The following STK32A variants were observed in gnomAD, a reference collection of about 807,000 sequenced individuals.
STK32A encodes the protein serine/threonine-protein kinase 32A.
Under a neutral mutation model 53.2 loss-of-function variants are expected in STK32A, and 41 were observed. The observed-to-expected ratio is 0.77, with a 90% CI of 0.60 to 1.00. STK32A has a LOEUF of 1.00. Among genes scored for constraint, STK32A ranks in the 50% least tolerant of loss-of-function variants. The probability of loss-of-function intolerance (pLI) is 0.00; values close to 1 mark genes in which losing one functional copy is unlikely to be tolerated. For synonymous variants in STK32A, 166 were observed against 162.8 expected (o/e 1.02, Z -0.15); for missense variants, 458 against 485.8 (o/e 0.94, Z 0.54).
intron 5 of STK32A, 54 bp from the exon 6 acceptor site, chr5:147,342,952 T>A: frequency 6.3e-7 from 1 of 1,586,290 alleles, no homozygotes. Context: ...CCCTACCCCT[T>A]AGTTCTGTTC....
At position 147,375,163 on chromosome 5, in the gene STK32A, A is replaced by G; in HGVS notation, c.977A>G (p.Lys326Arg). 6.2e-7 allele frequency: 1 copy of G among 1,610,660 alleles called. No individual in the cohort carries two copies. Among genetic ancestry groups the G allele is most frequent in the South Asian group, 1.1e-5 (1 of 90,214 alleles). The change falls in exon 11 of 13, where the codon AAA (lysine) becomes AGA (arginine). Residue 326 changes from lysine to arginine, a missense_variant. By Grantham distance (26) the Lys-to-Arg change is conservative. Coordinates refer to ENST00000397936, the MANE Select transcript of STK32A (RefSeq NM_001112724.2). ...MILESKPLHK[K>R]KKRLAKKEKD... is the part of the protein sequence containing the mutation. ...TTGGAGTCCAAACCTCTACATAAGA[A>G]AAAAAAGCGTCTGGCAAAGAAGGAG...
At chr5:147,242,804 T>C (rs576885764) in intron 2 of STK32A, among the ~76,000 whole-genome samples, 34 of 152,318 alleles carry the variant, frequency 2.2e-4, no homozygotes, top group African/African-American at 8.2e-4. Context: ...TTCTAGGGAA[T>C]TTACTTTGCT....
At chr5:147,347,545 C>T (rs955554686) in intron 6 of STK32A, among the ~76,000 whole-genome samples, 6 of 152,058 alleles carry the variant, frequency 3.9e-5, no homozygotes, top group African/African-American at 9.7e-5. Flanking sequence ...GGGTAGAGGC[C>T]GGGATGCTAG....
In STK32A at chr5:147,305,795, G is replaced by A. The variant is rs1581066728; in HGVS notation, c.261-18103G>A. ...TTTACCATTGATAGGCATTTGGATC[G>A]TTTGCAATTTGAGACTTTCGCAGAG... On this transcript the variant is annotated intron_variant, in intron 4 of 12. Transcript: ENST00000397936. Among the ~76,000 whole-genome samples, 4 of 151,662 alleles carry A rather than the reference G, an allele frequency of 2.6e-5. No homozygotes were observed. The South Asian group carries it at 8.3e-4, about 32-fold the overall frequency.
intron 4 of STK32A, among the ~76,000 whole-genome samples, chr5:147,295,795 A>G (rs1400268268): frequency 6.6e-6 from 1 of 152,184 alleles, no homozygotes; most frequent in Non-Finnish European, 1.5e-5. Flanking sequence ...TAGCTAGGCA[A>G]CCTTAAATTT....
intron 4 of STK32A, among the ~76,000 whole-genome samples, chr5:147,314,507 CAAAAAAAAACA>C (rs1753875550): frequency 3.1e-4 from 4 of 12,784 alleles, no homozygotes; most frequent in Admixed American, 1.1e-3. Flanking sequence ...TCAAAAAAAA[CAAAAAAAAACA>C]AAAAAAAACA....
chr5:147,329,650 C>T lies in STK32A; in HGVS notation c.434+5579C>T, dbSNP rs113787489. Among the ~76,000 whole-genome samples, 630 of 152,214 alleles carry T rather than the reference C, an allele frequency of 4.1e-3. 5 individuals carry two copies. Among genetic ancestry groups the T allele is most frequent in the Middle Eastern group, 0.014 (4 of 292 alleles). ...GCCTGCATGCACGTGCACGCACGCA[C>T]ACACACACACAATATGCTTAGTTGC... On this transcript the variant is annotated intron_variant, in intron 5 of 12. Transcript: ENST00000397936.
intron 2 of STK32A, among the ~76,000 whole-genome samples, chr5:147,267,150 C>T (rs537598040): frequency 6.6e-6 from 1 of 152,182 alleles, no homozygotes; most frequent in African/African-American, 2.4e-5. Flanking sequence ...CTATTCTCTG[C>T]CAAAAATGGT....
At chr5:147,297,001 G>A (rs1752898027) in intron 4 of STK32A, among the ~76,000 whole-genome samples, 1 of 152,182 alleles carries the variant, frequency 6.6e-6, no homozygotes, top group African/African-American at 2.4e-5. Context: ...TATTTTACCT[G>A]AGGGCCTATC....
chr5:147,298,640 C>T (rs1002680297), intron 4 of STK32A, among the ~76,000 whole-genome samples: 3 of 152,138 alleles, frequency 2.0e-5, no homozygotes, highest in Non-Finnish European at 4.4e-5. Flanking sequence ...TTAAAAACTA[C>T]GCTTGTTTTT....
At chr5:147,283,132 C>T (rs558888507) in intron 4 of STK32A, among the ~76,000 whole-genome samples, 33 of 152,118 alleles carry the variant, frequency 2.2e-4, no homozygotes, top group Admixed American at 1.6e-3. Flanking sequence ...GAAATGAACT[C>T]CAAAAGGAAA....
intron 4 of STK32A, among the ~76,000 whole-genome samples, chr5:147,314,507 C>CAAAAAAAACAAAAAAAA (rs1561713376): frequency 7.8e-5 from 1 of 12,768 alleles, no homozygotes; most frequent in African/African-American, 1.4e-4. Context: ...TCAAAAAAAA[C>CAAAAAAAACAAAAAAAA]AAAAAAAAAC....
At chr5:147,318,552 G>A (rs1034839474) in intron 4 of STK32A, among the ~76,000 whole-genome samples, 1 of 151,544 alleles carries the variant, frequency 6.6e-6, no homozygotes, top group African/African-American at 2.4e-5. Flanking sequence ...ATTACTTGAG[G>A]CCAGGAGTTT....
At chr5:147,320,947 A>C in intron 4 of STK32A, among the ~76,000 whole-genome samples, 1 of 152,146 alleles carries the variant, frequency 6.6e-6, no homozygotes, top group East Asian at 1.9e-4. Flanking sequence ...ACATGATAAA[A>C]CTCACATTGT....
intron 2 of STK32A, among the ~76,000 whole-genome samples, chr5:147,248,554 G>C (rs750117635): frequency 6.6e-6 from 1 of 152,106 alleles, no homozygotes; most frequent in Non-Finnish European, 1.5e-5. Flanking sequence ...ACATTTATTC[G>C]ATTGAGGAGC....
chr5:147,258,679 C>T (rs897047452), intron 2 of STK32A, among the ~76,000 whole-genome samples: 59 of 85,538 alleles, frequency 6.9e-4, no homozygotes, highest in Non-Finnish European at 1.2e-3. Context: ...CATAAATTCT[C>T]CCTCTCCTTT....
chr5:147,287,546 A>G (rs1752404005), intron 4 of STK32A, among the ~76,000 whole-genome samples: 1 of 152,216 alleles, frequency 6.6e-6, no homozygotes, highest in African/African-American at 2.4e-5. Flanking sequence ...TCTATGCCAC[A>G]GTTGAAAAGA....
At chr5:147,311,336 T>C (rs1440500512) in intron 4 of STK32A, among the ~76,000 whole-genome samples, 2 of 152,222 alleles carry the variant, frequency 1.3e-5, no homozygotes, top group African/African-American at 2.4e-5. Flanking sequence ...CAGTCCTTTA[T>C]TCTCAGCACC....
At chr5:147,357,345 A>G (rs775755537) in intron 7 of STK32A, among the ~76,000 whole-genome samples, 2 of 152,102 alleles carry the variant, frequency 1.3e-5, no homozygotes, top group African/African-American at 4.8e-5. Flanking sequence ...AAATGATATG[A>G]CATTATGATA....
Sources: allele counts gnomAD v4.1 joint callset (sites outside exome capture counted in the v4.1 genomes callset), GRCh38; gene constraint gnomAD v4.1.1; transcripts MANE v1.5; gene names NCBI Gene and HGNC (gene_info 2026-07-23, HGNC 2026-07-21).